ULK1: variants seen among roughly 807,000 people sequenced by gnomAD.
ULK1 encodes unc-51 like autophagy activating kinase 1.
ULK1 carries 48 observed loss-of-function variants against 117.5 expected under a neutral mutation model. The ratio of observed to expected loss-of-function variants is 0.41; its 90% CI spans 0.32 to 0.52. The LOEUF (loss-of-function observed/expected upper bound fraction) is 0.52. ULK1 is among the 20% of genes least tolerant of loss of function. The pLI is 0.29. For synonymous variants in ULK1, 790 were observed against 637.8 expected, an observed-to-expected ratio of 1.24 and a Z score of -3.60; for missense variants, 1,387 against 1,473.4, an observed-to-expected ratio of 0.94 and a Z score of 0.96.
At chr12:131,918,409 C>T (rs1050665754) in intron 22 of ULK1, 88 bp from the exon 23 acceptor site, 1 of 1,458,606 alleles carries the variant, frequency 6.9e-7, no homozygotes, top group South Asian at 1.3e-5. Flanking sequence ...GCACATTGGG[C>T]CCTGGAGGTG....
In ULK1 at chr12:131,903,057, C is replaced by T. The variant is rs539105032; in HGVS notation, c.247-3835C>T. Reference sequence around the variant, plus strand: ...GGGCCCAGGGGAGGTCAGCTGTGGCCGGTGAGGCTGTGCTCTCACCTGACC... The same window carrying T: ...GGGCCCAGGGGAGGTCAGCTGTGGCTGGTGAGGCTGTGCTCTCACCTGACC... On this transcript the variant is annotated intron_variant, in intron 3 of 27. Transcript: ENST00000321867. The surrounding 1 kb of genome is among the most constrained non-coding windows in gnomAD (Gnocchi z 6.0). Among the ~76,000 whole-genome samples, 22 of 152,204 alleles carry T rather than the reference C, an allele frequency of 1.4e-4. No homozygotes were observed. Among genetic ancestry groups the T allele is most frequent in the Non-Finnish European group, 2.9e-4 (20 of 67,988 alleles).
At position 131,915,875 on chromosome 12, in the gene ULK1, G is replaced by A. The variant is rs75464840; in HGVS notation, c.1610-16G>A. The A allele has an allele frequency of 0.015, 23,994 of 1,607,502 alleles. 894 individuals carry two copies. Among genetic ancestry groups the A allele is most frequent in the South Asian group, 0.089 (8,062 of 91,052 alleles). On this transcript the variant is annotated splice_polypyrimidine_tract_variant and intron_variant, in intron 18 of 27. Transcript: ENST00000321867. ...CGCCGGACCGGAAGGTCGTGACGAG[G>A]CGTGTCTCTCTCTAGGCTCCTCTGC...
Position 131,915,234 on chromosome 12 carries a change from G to C in ULK1, c.1522+3G>C, listed in dbSNP as rs368607401. ...GCCCTACACGCCATCTCCTCAAGGT[G>C]CGCCTGCAGGCTGGGGCCTGGGAAG... is the stretch of plus-strand genomic sequence containing the variant. On this transcript the variant is annotated splice_donor_region_variant and intron_variant, in intron 17 of 27. Transcript: ENST00000321867. 2.7e-5 allele frequency: 44 copies of C among 1,602,422 alleles called. No homozygotes were observed. The highest frequency in any genetic ancestry group is 3.5e-5 in the Non-Finnish European group (41 of 1,174,764).
At chr12:131,895,366 T>C (rs1159758551) in intron 1 of ULK1, among the ~76,000 whole-genome samples, 2 of 149,972 alleles carry the variant, frequency 1.3e-5, no homozygotes, top group Non-Finnish European at 3.0e-5. Flanking sequence ...AGCCCGACTT[T>C]CCTGTCCAAA....
intron 26 of ULK1, 145 bp from the exon 27 acceptor site, chr12:131,920,955 C>T: frequency 1.7e-6 from 2 of 1,163,532 alleles, no homozygotes; most frequent in Non-Finnish European, 2.4e-6. Flanking sequence ...CTCTGCACAG[C>T]AGGCTGCACC....
rs145451295 is a variant in ULK1, at chr12:131,909,833, C to A, written c.725C>A (p.Thr242Asn). The A allele has an allele frequency of 6.2e-7, 1 of 1,611,590 alleles. No individual in the cohort carries two copies. The highest frequency in any genetic ancestry group is 8.5e-7 in the Non-Finnish European group (1 of 1,179,396). ...GAGAAGAACAAGACGTTGGTCCCCA[C>A]GTAAGCACCCTCCCGCCTTCCCTTC... is the stretch of plus-strand genomic sequence containing the variant. The part of the protein sequence containing the change: ...FYEKNKTLVP[T>N]IPRETSAPLR... Residue 242 changes from threonine to asparagine, a missense_variant and splice_region_variant, in exon 9 of 28, where the codon ACC becomes AAC. By Grantham distance (65) the Thr-to-Asn change is moderately conservative (BLOSUM62 0). Around this residue, in one of 4 missense-constraint regions of ULK1, gnomAD observed 260 missense variants for 271.6 expected, o/e 0.96. Transcript: ENST00000321867.
intron 13 of ULK1, among the ~76,000 whole-genome samples, chr12:131,912,940 G>C (rs561350478): frequency 5.9e-4 from 90 of 152,306 alleles, no homozygotes; most frequent in Middle Eastern, 3.4e-3. Flanking sequence ...TGGGGCTGAG[G>C]AGACAGGAGG....
At position 131,906,889 on chromosome 12, in the gene ULK1, C is replaced by T. The variant is rs1889298170; in HGVS notation, c.247-3C>T. 2 of 1,614,100 alleles carry T rather than the reference C, an allele frequency of 1.2e-6. No individual in the cohort carries two copies. The highest frequency in any genetic ancestry group is 1.7e-6 in the Non-Finnish European group (2 of 1,180,018). On this transcript the variant is annotated splice_region_variant and splice_polypyrimidine_tract_variant and intron_variant, in intron 3 of 27. Coordinates refer to ENST00000321867, the MANE Select transcript of ULK1 (RefSeq NM_003565.4). ...CTCTCACAGCCTCTTTTCTGTCTTG[C>T]AGGAAATGGCTAATTCTGTCTACCT...
chr12:131,897,780 A>G (rs1430971500), intron 3 of ULK1: 2 of 152,200 alleles, frequency 1.3e-5, no homozygotes, highest in Admixed American at 1.3e-4. Flanking sequence ...GCATAGTGGC[A>G]TGTCTCAGCT....
intron 20 of ULK1, 146 bp downstream of exon 20, chr12:131,916,737 A>G (rs1889806290): frequency 8.4e-7 from 1 of 1,183,604 alleles, no homozygotes. Flanking sequence ...GGTGCCAGAG[A>G]GCCTGGCCCA....
chr12:131,895,143 G>A, intron 1 of ULK1, 31 bp downstream of exon 1: 3 of 1,107,102 alleles, frequency 2.7e-6, no homozygotes, highest in Non-Finnish European at 3.3e-6. Flanking sequence ...GGGATCCCCC[G>A]CCCAGGATCC....
Position 131,920,007 on chromosome 12 carries a change from G to A in ULK1, c.2832G>A (p.Lys944=), listed in dbSNP as rs747971826. The change falls in exon 26 of 28, where the codon AAG becomes AAA. Residue 944 remains lysine, a synonymous_variant. Coordinates refer to ENST00000321867, the MANE Select transcript of ULK1 (RefSeq NM_003565.4). ...QVVRRLNELY[K]ASVVSCQGLS... ...TGCGCAGGCTGAATGAGCTGTACAA[G>A]GCCAGCGTGGTGTCCTGCCAGGGCC... 1.2e-6 allele frequency: 2 copies of A among 1,612,842 alleles called. No individual in the cohort carries two copies. The highest frequency in any genetic ancestry group is 2.2e-5 in the East Asian group (1 of 44,888).
rs770451822 is a variant in ULK1, at chr12:131,914,471, C to T, written c.1367C>T (p.Thr456Ile). 5.6e-6 allele frequency: 9 copies of T among 1,612,310 alleles called. No homozygotes were observed. In the Admixed American group the frequency reaches 1.5e-4, roughly 27 times the overall value. The change falls in exon 16 of 28, where the codon ACA (threonine) becomes ATA (isoleucine). Residue 456 changes from threonine (T) to isoleucine (I), a missense_variant. Thr to Ile is a moderately conservative substitution (Grantham distance 89). Transcript: ENST00000321867. ...CTGCAGTCACCCACCCAGTTCCAAA[C>T]ACCTCGGTGAGTGTGGAGCCCCCAG... Reference protein sequence around the residue: ...RNLQSPTQFQTPRSSAIRRSG... With the variant: ...RNLQSPTQFQIPRSSAIRRSG...
At chr12:131,909,336 A>C (rs2136392139) in intron 8 of ULK1, 99 bp downstream of exon 8, 1 of 1,344,544 alleles carries the variant, frequency 7.4e-7, no homozygotes, top group East Asian at 2.6e-5. Flanking sequence ...GCGCCCCACG[A>C]GCTCCCCTCG....
chr12:131,921,617 C>G lies in ULK1; in HGVS notation c.*256C>G, dbSNP rs79733461. The G allele has an allele frequency of 0.012, 7,699 of 633,852 alleles. 305 individuals are homozygous for G. The highest frequency in any genetic ancestry group is 0.093 in the South Asian group (4,844 of 52,298). 39.3% of individuals were successfully genotyped at this position (633,852 alleles called of 1,614,324 possible). A position where few individuals can be genotyped will look rare whatever the true frequency, so the allele number is the denominator to read the frequency against. ...ACAGAATTTCTGCCCCTCCAGCTGC[C>G]TGGCTCAGCAGGCGTGGGTGCCACC... On this transcript the variant is annotated 3_prime_UTR_variant, in exon 28 of 28. Coordinates refer to ENST00000321867, the MANE Select transcript of ULK1 (RefSeq NM_003565.4).
chr12:131,916,931 A>G, intron 20 of ULK1, 22 bp from the exon 21 acceptor site: 1 of 1,593,512 alleles, frequency 6.3e-7, no homozygotes, highest in Non-Finnish European at 8.6e-7. Flanking sequence ...GGCACCCAGC[A>G]CAGCCCTGCA....
At position 131,915,064 on chromosome 12, in the gene ULK1, A is replaced by G; in HGVS notation, c.1374-19A>G. On this transcript the variant is annotated intron_variant, in intron 16 of 27. Coordinates refer to ENST00000321867, the MANE Select transcript of ULK1 (RefSeq NM_003565.4). ...AGGGCTGCTGAGGCCTCCCCTCCTA[A>G]TATCTGCCTTGTCTTCAGGTCCTCT... 6.6e-7 allele frequency: 1 copy of G among 1,525,216 alleles called. No homozygotes were observed. Among genetic ancestry groups the G allele is most frequent in the East Asian group, 2.3e-5 (1 of 43,970 alleles). The allele number at this position is 1,525,216 out of a possible 1,614,324, so 94.5% of individuals were successfully genotyped here.
At chr12:131,910,915 A>G in intron 12 of ULK1, 115 bp downstream of exon 12, 1 of 1,498,714 alleles carries the variant, frequency 6.7e-7, no homozygotes, top group Non-Finnish European at 8.9e-7. Context: ...GTGAGTCACG[A>G]AAGACATGGA....
chr12:131,911,403 C>T (rs1006063065), intron 12 of ULK1, among the ~76,000 whole-genome samples: 1 of 152,186 alleles, frequency 6.6e-6, no homozygotes, highest in African/African-American at 2.4e-5. Flanking sequence ...TCAGATGTGG[C>T]GAGGGGAGCG....
Sources: allele counts gnomAD v4.1 joint callset (sites outside exome capture counted in the v4.1 genomes callset), GRCh38; gene constraint gnomAD v4.1.1; regional missense constraint gnomAD v4.1.1; non-coding constraint Gnocchi (gnomAD v3.1); transcripts MANE v1.5; gene names NCBI Gene and HGNC (gene_info 2026-07-23, HGNC 2026-07-21).